SLC10A7: variants seen among roughly 807,000 people sequenced by gnomAD.
The protein encoded by SLC10A7 is sodium/bile acid cotransporter 7.
A neutral mutation model predicts 43.2 loss-of-function variants in SLC10A7; 29 were observed. The ratio of observed to expected loss-of-function variants is 0.67; its 90% confidence interval spans 0.50 to 0.92. The LOEUF is 0.92. SLC10A7 is among the 40% of genes least tolerant of loss of function. The pLI is 0.00. For missense variants in SLC10A7, 295 were observed against 403.2 expected, an observed-to-expected ratio of 0.73 and a Z score of 2.30; for synonymous variants, 152 against 144.8, an observed-to-expected ratio of 1.05 and a Z score of -0.35.
At chr4:146,451,150 A>G (rs1731551747) in intron 4 of SLC10A7, among the ~76,000 whole-genome samples, 1 of 151,090 alleles carries the variant, frequency 6.6e-6, no homozygotes. Flanking sequence ...CAGAAAAAGT[A>G]CATATAAAAA....
chr4:146,423,653 G>A (rs1345379930), intron 5 of SLC10A7, among the ~76,000 whole-genome samples: 4 of 152,182 alleles, frequency 2.6e-5, no homozygotes, highest in African/African-American at 9.7e-5. Context: ...AATTTCAACA[G>A]TGAAGAGCTT....
chr4:146,358,721 A>G (rs920335313), intron 5 of SLC10A7, among the ~76,000 whole-genome samples: 5 of 152,174 alleles, frequency 3.3e-5, no homozygotes, highest in Non-Finnish European at 5.9e-5. Context: ...TTCCATTCAT[A>G]TTTTGTTGTA....
intron 5 of SLC10A7, among the ~76,000 whole-genome samples, chr4:146,427,335 G>T (rs1176561055): frequency 3.3e-5 from 5 of 152,124 alleles, no homozygotes; most frequent in Non-Finnish European, 5.9e-5. Flanking sequence ...ACAAAAGAAA[G>T]AAAAGTATTC....
At chr4:146,357,602 G>T (rs182532368) in intron 5 of SLC10A7, among the ~76,000 whole-genome samples, 5 of 152,312 alleles carry the variant, frequency 3.3e-5, no homozygotes, top group Admixed American at 3.3e-4. Context: ...GAAGCAATAC[G>T]TGAAAGGTAG....
At chr4:146,277,245 G>T (rs1729267815) in intron 10 of SLC10A7, among the ~76,000 whole-genome samples, 2 of 152,108 alleles carry the variant, frequency 1.3e-5, no homozygotes, top group Admixed American at 1.3e-4. Context: ...ATACTTGAGG[G>T]TCAAGCTGGA....
intron 4 of SLC10A7, among the ~76,000 whole-genome samples, chr4:146,489,542 G>T (rs1369711557): frequency 6.6e-6 from 1 of 152,282 alleles, no homozygotes; most frequent in Middle Eastern, 3.4e-3. Flanking sequence ...CGATTTTGAT[G>T]GCAAGAGCTT....
intron 5 of SLC10A7, chr4:146,442,456 G>T (rs1370015835): frequency 9.4e-7 from 1 of 1,064,164 alleles, no homozygotes; most frequent in African/African-American, 1.7e-5. Context: ...TCAGTCCCAT[G>T]ATACAAAATA....
chr4:146,370,915 T>C (rs758691764), intron 5 of SLC10A7, among the ~76,000 whole-genome samples: 1 of 152,172 alleles, frequency 6.6e-6, no homozygotes, highest in Non-Finnish European at 1.5e-5. Context: ...CTGTACACTA[T>C]GAAGAAGGAG....
At chr4:146,351,225 C>T (rs1362373127) in intron 5 of SLC10A7, among the ~76,000 whole-genome samples, 3 of 149,738 alleles carry the variant, frequency 2.0e-5, no homozygotes, top group East Asian at 2.0e-4. Flanking sequence ...TCGAGAACTA[C>T]GTGAAGAATG....
At chr4:146,395,509 T>C (rs1738758918) in intron 5 of SLC10A7, among the ~76,000 whole-genome samples, 1 of 152,252 alleles carries the variant, frequency 6.6e-6, no homozygotes, top group South Asian at 2.1e-4. Flanking sequence ...TACATCTGAA[T>C]ATTTTTTGTA....
At chr4:146,493,558 G>A (rs908390521) in intron 4 of SLC10A7, among the ~76,000 whole-genome samples, 2 of 149,468 alleles carry the variant, frequency 1.3e-5, no homozygotes, top group African/African-American at 2.5e-5. Flanking sequence ...TTTTTTTGTT[G>A]TTGTTCATTG....
At chr4:146,275,258 T>C (rs919685124) in intron 10 of SLC10A7, among the ~76,000 whole-genome samples, 1 of 152,214 alleles carries the variant, frequency 6.6e-6, no homozygotes, top group Non-Finnish European at 1.5e-5. Flanking sequence ...TGGTCTATGG[T>C]GTCCATCCAA....
intron 10 of SLC10A7, among the ~76,000 whole-genome samples, chr4:146,260,495 C>A (rs759694018): frequency 7.9e-5 from 12 of 152,198 alleles, no homozygotes; most frequent in Non-Finnish European, 1.6e-4. Context: ...GCTAAACCAC[C>A]TATGTTGTCC....
rs555368588 is a variant in SLC10A7, at chr4:146,277,723, T to C, written c.847+5469A>G. ...TTCCTCTGGATTTCTATTTCAACTT[T>C]AATGGGTTACTGTGAAACGGCAATG... On this transcript the variant is annotated intron_variant, in intron 10 of 11. Coordinates refer to ENST00000335472, the MANE Select transcript of SLC10A7 (RefSeq NM_001029998.6). 2.0e-5 allele frequency among the ~76,000 whole-genome samples: 3 copies of C among 152,292 alleles called. No homozygotes were observed. The East Asian group carries it at 5.8e-4, about 29-fold the overall frequency.
At chr4:146,417,499 C>G (rs1560888471) in intron 5 of SLC10A7, among the ~76,000 whole-genome samples, 1 of 152,136 alleles carries the variant, frequency 6.6e-6, no homozygotes, top group East Asian at 1.9e-4. Flanking sequence ...TTTGTTGTCT[C>G]TCTGTGTGAA....
intron 5 of SLC10A7, among the ~76,000 whole-genome samples, chr4:146,368,279 G>A (rs2244318): frequency 0.011 from 1,663 of 152,280 alleles, 24 homozygotes; most frequent in African/African-American, 0.037. Context: ...TTCAGTCAAG[G>A]TTGGGCTTCC....
chr4:146,259,288 A>G (rs1728071027), intron 10 of SLC10A7, among the ~76,000 whole-genome samples: 1 of 152,200 alleles, frequency 6.6e-6, no homozygotes, highest in Non-Finnish European at 1.5e-5. Context: ...GTAAAAAAAT[A>G]CGGTAAGATC....
At chr4:146,314,300 T>C (rs1303787212) in intron 6 of SLC10A7, among the ~76,000 whole-genome samples, 1 of 152,162 alleles carries the variant, frequency 6.6e-6, no homozygotes, top group African/African-American at 2.4e-5. Context: ...TTCAAACCTA[T>C]TGAATTTAAG....
intron 9 of SLC10A7, 52 bp downstream of exon 9, chr4:146,292,877 C>A (rs12711434): frequency 0.48 from 622,350 of 1,292,476 alleles, 151,565 homozygotes; most frequent in Admixed American, 0.61. Context: ...CCAAGTAGAC[C>A]GCATGATTCC....
Sources: allele counts gnomAD v4.1 joint callset (sites outside exome capture counted in the v4.1 genomes callset), GRCh38; gene constraint gnomAD v4.1.1; transcripts MANE v1.5; gene names NCBI Gene and HGNC (gene_info 2026-07-23, HGNC 2026-07-21).